The following ADAMTS18 variants were observed in gnomAD, a reference collection of about 807,000 sequenced individuals.
ADAMTS18 encodes the protein ADAM metallopeptidase with thrombospondin type 1 motif 18.
In ADAMTS18, 157 loss-of-function variants were observed where a neutral mutation model predicts 165.9. That is an observed-to-expected ratio of 0.95 (90% CI 0.83 to 1.08). The LOEUF is 1.08. Among genes scored for constraint, ADAMTS18 ranks in the 50% least tolerant of loss-of-function variants. ADAMTS18 has a pLI of 0.00. For missense variants in ADAMTS18, 2,040 were observed against 1,534.0 expected, an observed-to-expected ratio of 1.33 and a Z score of -5.51; for synonymous variants, 782 against 578.2, an observed-to-expected ratio of 1.35 and a Z score of -5.06.
chr16:77,351,816 C>T (rs1403139237), intron 10 of ADAMTS18, among the ~76,000 whole-genome samples: 1 of 152,036 alleles, frequency 6.6e-6, no homozygotes, highest in Non-Finnish European at 1.5e-5. Flanking sequence ...TTCACTTCAG[C>T]CTCAAACTCC....
intron 10 of ADAMTS18, 94 bp downstream of exon 10, chr16:77,353,639 C>T: frequency 1.3e-6 from 2 of 1,567,332 alleles, no homozygotes; most frequent in South Asian, 2.2e-5. Flanking sequence ...GAACCTAACC[C>T]TTGGCCTTGG....
chr16:77,337,232 C>T (rs2144678015), intron 11 of ADAMTS18, among the ~76,000 whole-genome samples: 1 of 152,222 alleles, frequency 6.6e-6, no homozygotes, highest in Non-Finnish European at 1.5e-5. Context: ...AGGATTTTGC[C>T]TACCATAAGC....
chr16:77,342,169 A>T (rs1365375479), intron 10 of ADAMTS18, among the ~76,000 whole-genome samples: 1 of 152,176 alleles, frequency 6.6e-6, no homozygotes, highest in East Asian at 1.9e-4. Context: ...CTTCATCCTG[A>T]AATGCCTGGT....
chr16:77,360,521 T>C (rs1013923658), intron 7 of ADAMTS18, among the ~76,000 whole-genome samples: 3 of 152,222 alleles, frequency 2.0e-5, no homozygotes, highest in Non-Finnish European at 2.9e-5. Flanking sequence ...CCAAGCCTTT[T>C]AGTACATTTT....
chr16:77,320,893 A>G (rs2055984980), intron 15 of ADAMTS18, among the ~76,000 whole-genome samples, 186 bp downstream of exon 15: 1 of 152,224 alleles, frequency 6.6e-6, no homozygotes, highest in African/African-American at 2.4e-5. Flanking sequence ...GCATGTTTCT[A>G]CGAGGTAATG....
intron 10 of ADAMTS18, among the ~76,000 whole-genome samples, chr16:77,342,583 G>T (rs1021480730): frequency 1.3e-5 from 2 of 152,230 alleles, no homozygotes; most frequent in South Asian, 4.1e-4. Flanking sequence ...GAGCCACCAG[G>T]CCTGGCCACC....
intron 12 of ADAMTS18, among the ~76,000 whole-genome samples, chr16:77,335,454 T>C (rs892119753): frequency 6.6e-6 from 1 of 151,800 alleles, no homozygotes; most frequent in Non-Finnish European, 1.5e-5. Flanking sequence ...TAACAATTCA[T>C]TGTATATCTT....
intron 11 of ADAMTS18, among the ~76,000 whole-genome samples, chr16:77,337,981 G>T (rs1272277729): frequency 2.0e-5 from 3 of 148,026 alleles, no homozygotes; most frequent in African/African-American, 7.5e-5. Flanking sequence ...TCGGCTCACT[G>T]CAACCTCCGC....
intron 10 of ADAMTS18, among the ~76,000 whole-genome samples, chr16:77,343,343 G>T (rs970368899): frequency 6.6e-6 from 1 of 152,204 alleles, no homozygotes; most frequent in African/African-American, 2.4e-5. Flanking sequence ...CAAAGTGCTA[G>T]GATTGCTCAC....
At chr16:77,342,845 G>GC (rs2056419389) in intron 10 of ADAMTS18, among the ~76,000 whole-genome samples, 2 of 152,236 alleles carry the variant, frequency 1.3e-5, no homozygotes, top group Admixed American at 1.3e-4. Context: ...TTCCAGGTGG[G>GC]CCTAACATAG....
rs555022218 is a variant in ADAMTS18, at chr16:77,325,925, T to G, written c.1973A>C (p.Tyr658Ser). 6.2e-7 allele frequency: 1 copy of G among 1,614,142 alleles called. No homozygotes were observed. Among genetic ancestry groups the G allele is most frequent in the South Asian group, 1.1e-5 (1 of 91,078 alleles). The change falls in exon 13 of 23, where the codon TAT (tyrosine) becomes TCT (serine). Residue 658 changes from tyrosine (Y) to serine (S), a missense_variant. Coordinates refer to ENST00000282849, the MANE Select transcript of ADAMTS18 (RefSeq NM_199355.4). ...LDFRAQQCAE[Y>S]NSKPFRGWFY... ...CCATCCACGGAAAGGTTTGCTGTTA[T>G]ATTCTGCACACTGTTGAGCCCGAAA...
At chr16:77,372,522 G>C (rs1313440229) in intron 3 of ADAMTS18, among the ~76,000 whole-genome samples, 1 of 152,162 alleles carries the variant, frequency 6.6e-6, no homozygotes, top group Non-Finnish European at 1.5e-5. Context: ...TGAAATCAAA[G>C]ACGGAGTCTT....
intron 11 of ADAMTS18, among the ~76,000 whole-genome samples, chr16:77,339,422 G>A (rs1033499494): frequency 6.6e-5 from 10 of 151,812 alleles, no homozygotes; most frequent in African/African-American, 2.4e-4. Context: ...TATTTATCTC[G>A]TGTTCTGTTT....
intron 16 of ADAMTS18, among the ~76,000 whole-genome samples, chr16:77,319,147 G>A (rs1247151819): frequency 2.0e-5 from 3 of 152,088 alleles, no homozygotes; most frequent in Non-Finnish European, 2.9e-5. Flanking sequence ...CTGACACCCA[G>A]GCAAGCATTT....
chr16:77,285,449 AG>A (rs2055230842), intron 22 of ADAMTS18, among the ~76,000 whole-genome samples: 1 of 146,784 alleles, frequency 6.8e-6, no homozygotes, highest in Non-Finnish European at 1.5e-5. Flanking sequence ...CTGGAATTAC[AG>A]GTGTGAGGCA....
intron 11 of ADAMTS18, among the ~76,000 whole-genome samples, chr16:77,338,184 G>A (rs1158744939): frequency 6.6e-6 from 1 of 152,048 alleles, no homozygotes; most frequent in Non-Finnish European, 1.5e-5. Flanking sequence ...GATTATAGGC[G>A]TGAGCCACCG....
chr16:77,366,108 T>C (rs2056789266), intron 4 of ADAMTS18, among the ~76,000 whole-genome samples: 1 of 152,000 alleles, frequency 6.6e-6, no homozygotes, highest in Non-Finnish European at 1.5e-5. Context: ...TCTTTCATTA[T>C]TCCTCCTGAT....
At chr16:77,377,988 A>C (rs2056976356) in intron 3 of ADAMTS18, among the ~76,000 whole-genome samples, 1 of 152,176 alleles carries the variant, frequency 6.6e-6, no homozygotes, top group Non-Finnish European at 1.5e-5. Flanking sequence ...AATGCTGAGA[A>C]AGTCTTTGAG....
At chr16:77,432,485 C>T (rs1264469172) in intron 2 of ADAMTS18, 1 of 152,106 alleles carries the variant, frequency 6.6e-6, no homozygotes, top group Non-Finnish European at 1.5e-5. Flanking sequence ...ATACAATTTG[C>T]TATTTGAAAA....
Sources: gnomAD v4.1 joint callset for allele counts (sites outside exome capture counted in the v4.1 genomes callset) on GRCh38, gnomAD v4.1.1 for gene constraint, MANE v1.5 for transcripts, NCBI Gene and HGNC (gene_info 2026-07-23, HGNC 2026-07-21) for gene names.